Variants in USP46 observed in about 807,000 individuals in gnomAD.
The protein encoded by USP46 is ubiquitin carboxyl-terminal hydrolase 46.
Under a neutral mutation model 44.4 loss-of-function variants are expected in USP46, and 12 were observed. That is an observed-to-expected ratio of 0.27 (90% CI 0.17 to 0.44). The LOEUF (loss-of-function observed/expected upper bound fraction) is 0.44. USP46 is among the 20% of genes least tolerant of loss of function. The pLI, the probability that USP46 is intolerant of heterozygous loss-of-function variation, is 1.00. For synonymous variants in USP46, 155 were observed against 161.5 expected (o/e 0.96, Z 0.31); for missense variants, 248 against 444.8 (o/e 0.56, Z 3.98).
At chr4:52,631,631 A>G (rs1037387883) in intron 1 of USP46, among the ~76,000 whole-genome samples, 1 of 152,182 alleles carries the variant, frequency 6.6e-6, no homozygotes, top group African/African-American at 2.4e-5. Flanking sequence ...TAAACACACA[A>G]TGCCTGCTCT....
chr4:52,658,962 G>C (rs1324058997), intron 1 of USP46, among the ~76,000 whole-genome samples, 153 bp downstream of exon 1: 1 of 151,670 alleles, frequency 6.6e-6, no homozygotes, highest in Non-Finnish European at 1.5e-5. Flanking sequence ...AGGTGGCTGC[G>C]GCCGCGCGCC....
At chr4:52,644,756 A>C (rs1303516501) in intron 1 of USP46, among the ~76,000 whole-genome samples, 2 of 151,610 alleles carry the variant, frequency 1.3e-5, no homozygotes, top group Non-Finnish European at 2.9e-5. Flanking sequence ...AAAAAAAAAA[A>C]AACCTCTGAA....
intron 4 of USP46, among the ~76,000 whole-genome samples, chr4:52,612,015 C>T (rs1458401885): frequency 6.6e-6 from 1 of 152,198 alleles, no homozygotes; most frequent in Non-Finnish European, 1.5e-5. Context: ...CCTCTGTTTC[C>T]TCATCTGTAA....
chr4:52,601,767 A>G (rs1365191202), intron 7 of USP46, 90 bp downstream of exon 7: 4 of 1,373,582 alleles, frequency 2.9e-6, no homozygotes, highest in Non-Finnish European at 3.9e-6. Flanking sequence ...ATTGAGTGCC[A>G]CGGCCCAGGA....
intron 3 of USP46, among the ~76,000 whole-genome samples, chr4:52,627,007 G>GAGA (rs1411438379): frequency 6.6e-6 from 1 of 152,182 alleles, no homozygotes; most frequent in Non-Finnish European, 1.5e-5. Flanking sequence ...ACACAGAAGG[G>GAGA]AGATGAGGGT....
chr4:52,658,918 G>C (rs1410678318), intron 1 of USP46, among the ~76,000 whole-genome samples, 197 bp downstream of exon 1: 3 of 151,738 alleles, frequency 2.0e-5, no homozygotes. Context: ...GCTGAGACGG[G>C]CGCCGGGGGC....
chr4:52,609,894 A>ATTTTT (rs1423146190), intron 5 of USP46, among the ~76,000 whole-genome samples: 16 of 20,638 alleles, frequency 7.8e-4, no homozygotes, highest in Admixed American at 3.1e-3. Context: ...CCTCAATTCT[A>ATTTTT]TTTCTTTTTT....
In USP46 at chr4:52,593,961, G is replaced by A. The variant is rs915403320; in HGVS notation, c.*3679C>T. 1.3e-5 allele frequency: 2 copies of A among 152,170 alleles called. No homozygotes were observed. The highest frequency in any genetic ancestry group is 2.9e-5 in the Non-Finnish European group (2 of 68,034). The allele number at this position is 152,170 out of a possible 1,614,324, so 9.4% of individuals were successfully genotyped here. ...ATCTTTTTCACTCAAAAAAAGTGAT[G>A]AGTTATCTCCAGAACATTGATTTTT... On this transcript the variant is annotated 3_prime_UTR_variant, in exon 9 of 9. Transcript: ENST00000441222.
At position 52,638,605 on chromosome 4, in the gene USP46, C is replaced by T. The variant is rs1718209881; in HGVS notation, c.37-7461G>A. ...ATTTATATAATTATTAACATCTGTCCAATGCCCTAAATTATATATATAATA... is the reference window on the plus strand; with the variant it reads ...ATTTATATAATTATTAACATCTGTCTAATGCCCTAAATTATATATATAATA... On this transcript the variant is annotated intron_variant, in intron 1 of 8. Transcript: ENST00000441222. Among the ~76,000 whole-genome samples the T allele has an allele frequency of 1.4e-5, 2 of 148,072 alleles. 1 individual carries two copies. The highest frequency in any genetic ancestry group is 4.2e-4 in the South Asian group (2 of 4,720).
At chr4:52,619,336 C>A (rs971373683) in intron 4 of USP46, among the ~76,000 whole-genome samples, 1 of 151,786 alleles carries the variant, frequency 6.6e-6, no homozygotes, top group Non-Finnish European at 1.5e-5. Context: ...TCATTGTTTT[C>A]TGAAAGCATG....
At chr4:52,617,598 G>A (rs978292259) in intron 4 of USP46, among the ~76,000 whole-genome samples, 16 of 152,182 alleles carry the variant, frequency 1.1e-4, no homozygotes, top group Non-Finnish European at 2.2e-4. Context: ...AAAGCTTTCC[G>A]TTTGGATTTT....
At chr4:52,626,298 G>T in intron 3 of USP46, 51 bp from the exon 4 acceptor site, 1 of 1,482,138 alleles carries the variant, frequency 6.7e-7, no homozygotes, top group Non-Finnish European at 9.2e-7. Flanking sequence ...AAAAGCAAAT[G>T]GATGTAATTA....
In USP46 at chr4:52,603,726, C is replaced by T. The variant is rs568958689; in HGVS notation, c.722+775G>A. On this transcript the variant is annotated intron_variant, in intron 6 of 8. Transcript: ENST00000441222. ...TTGATACAGAGTCTCACTCTGTCACCCAGGCTGGAGTGCAGTAGTACGATC... is the reference window on the plus strand; with the variant it reads ...TTGATACAGAGTCTCACTCTGTCACTCAGGCTGGAGTGCAGTAGTACGATC... Among the ~76,000 whole-genome samples the T allele has an allele frequency of 2.7e-3, 405 of 152,166 alleles. 1 individual carries two copies. Among genetic ancestry groups the T allele is most frequent in the African/African-American group, 9.2e-3 (384 of 41,518 alleles).
chr4:52,625,972 A>T lies in USP46; in HGVS notation c.561+46T>A, dbSNP rs181561645. ...TGCAATCACATGCAACATAGCGTAC[A>T]TAAATATGAACATGCGAGCTACATA... On this transcript the variant is annotated intron_variant, in intron 4 of 8. Coordinates refer to ENST00000441222, the MANE Select transcript of USP46 (RefSeq NM_022832.4). 3.7e-5 allele frequency: 58 copies of T among 1,552,956 alleles called. No homozygotes were observed. In the African/African-American group the frequency reaches 7.5e-4, roughly 20 times the overall value.
rs1716261858 is a variant in USP46 at position 52,596,810 on chromosome 4, A to C, written c.*830T>G. The stretch of plus-strand genomic sequence containing the variant: ...ATTGGAAAGATACCTTGAAAAGCTT[A>C]GCAGTGCCGGATACAGGATAAATAC... On this transcript the variant is annotated 3_prime_UTR_variant, in exon 9 of 9. Transcript: ENST00000441222. The C allele has an allele frequency of 6.5e-6, 1 of 152,690 alleles. No individual in the cohort carries two copies. The highest frequency in any genetic ancestry group is 2.1e-4 in the South Asian group (1 of 4,832). The allele number at this position is 152,690 out of a possible 1,614,324, so 9.5% of individuals were successfully genotyped here. A position where few individuals can be genotyped will look rare whatever the true frequency, so the allele number is the denominator to read the frequency against.
At chr4:52,634,734 C>T (rs903656844) in intron 1 of USP46, among the ~76,000 whole-genome samples, 2 of 152,044 alleles carry the variant, frequency 1.3e-5, no homozygotes, top group East Asian at 3.9e-4. Context: ...CAAAACATCT[C>T]CCTTTCTGAG....
At chr4:52,624,011 A>G (rs1468969511) in intron 4 of USP46, among the ~76,000 whole-genome samples, 1 of 152,206 alleles carries the variant, frequency 6.6e-6, no homozygotes, top group East Asian at 1.9e-4. Flanking sequence ...AAAGTACACC[A>G]CAAGAATGTT....
intron 4 of USP46, among the ~76,000 whole-genome samples, chr4:52,618,829 A>C (rs1027702883): frequency 6.6e-6 from 1 of 152,220 alleles, no homozygotes; most frequent in African/African-American, 2.4e-5. Context: ...CGAAAGCCTC[A>C]GAAACTCTAC....
chr4:52,607,733 G>A (rs1716747426), intron 5 of USP46, among the ~76,000 whole-genome samples: 1 of 152,032 alleles, frequency 6.6e-6, no homozygotes, highest in African/African-American at 2.4e-5. Context: ...GCAAGATCTG[G>A]CCGTTTAAAA....
Sources: gnomAD v4.1 joint callset for allele counts (sites outside exome capture counted in the v4.1 genomes callset) on GRCh38, gnomAD v4.1.1 for gene constraint, MANE v1.5 for transcripts, NCBI Gene and HGNC (gene_info 2026-07-23, HGNC 2026-07-21) for gene names.